The following HOXB8 variants were observed in gnomAD, a reference collection of about 807,000 sequenced individuals.
The protein encoded by HOXB8 is homeobox protein Hox-B8.
HOXB8 carries 17 observed loss-of-function variants against 22.2 expected under a neutral mutation model. The ratio of observed to expected loss-of-function variants is 0.77; its 90% confidence interval spans 0.53 to 1.15. HOXB8 has a LOEUF of 1.15. Ranked by LOEUF, HOXB8 falls within the 50% of genes most tolerant of loss-of-function variation. The pLI is 0.00. For missense variants in HOXB8, 287 were observed against 323.8 expected, an observed-to-expected ratio of 0.89 and a Z score of 0.87; for synonymous variants, 156 against 144.6, an observed-to-expected ratio of 1.08 and a Z score of -0.57.
At position 48,613,333 on chromosome 17, in the gene HOXB8, A is replaced by C; in HGVS notation, c.601T>G (p.Trp201Gly). 6.2e-7 allele frequency: 1 copy of C among 1,612,912 alleles called. No homozygotes were observed. The highest frequency in any genetic ancestry group is 8.5e-7 in the Non-Finnish European group (1 of 1,179,712). The change falls in exon 2 of 2, where the codon TGG becomes GGG. Residue 201 changes from tryptophan to glycine, a missense_variant. This residue lies in a region of HOXB8 where 52 missense variants were observed against 54.8 expected (regional missense o/e 0.95). Transcript: ENST00000239144. ...KIWFQNRRMK[W>G]KKENNKDKFP... ...TTGTCTTTGTTGTTCTCTTTTTTCCACTTCATCCTCCGGTTCTGGAACCAG... is the reference window on the plus strand; with the variant it reads ...TTGTCTTTGTTGTTCTCTTTTTTCCCCTTCATCCTCCGGTTCTGGAACCAG...
Position 48,613,145 on chromosome 17 carries a change from G to A in HOXB8, c.*57C>T. On this transcript the variant is annotated 3_prime_UTR_variant, in exon 2 of 2. Coordinates refer to ENST00000239144, the MANE Select transcript of HOXB8 (RefSeq NM_024016.4). Reference sequence around the variant, plus strand: ...TCGGGCAGGGGCGCGCGGCGGCGGCGCGGCCGGGACCCGCGGACGTGCGGG... The same window carrying A: ...TCGGGCAGGGGCGCGCGGCGGCGGCACGGCCGGGACCCGCGGACGTGCGGG... 1 of 1,222,208 alleles carries A rather than the reference G, an allele frequency of 8.2e-7. No homozygotes were observed. 75.7% of individuals were successfully genotyped at this position (1,222,208 alleles called of 1,614,324 possible).
At position 48,613,063 on chromosome 17, in the gene HOXB8, G is replaced by C; in HGVS notation, c.*139C>G. 2.9e-6 allele frequency: 1 copy of C among 345,626 alleles called. No individual in the cohort carries two copies. The highest frequency in any genetic ancestry group is 4.6e-6 in the Non-Finnish European group (1 of 216,992). 21.4% of individuals were successfully genotyped at this position (345,626 alleles called of 1,614,324 possible). ...ACCACTAGCGGGGACTGGCGCGGCGGGGGACGCTGCGGTGGGAGGCCCGGC... is the reference window on the plus strand; with the variant it reads ...ACCACTAGCGGGGACTGGCGCGGCGCGGGACGCTGCGGTGGGAGGCCCGGC... On this transcript the variant is annotated 3_prime_UTR_variant, in exon 2 of 2. Transcript: ENST00000239144.
Position 48,613,528 on chromosome 17 carries a change from G to C in HOXB8, c.425-19C>G. 8.1e-7 allele frequency: 1 copy of C among 1,239,394 alleles called. No individual in the cohort carries two copies. Among genetic ancestry groups the C allele is most frequent in the East Asian group, 3.7e-5 (1 of 27,304 alleles). The allele number at this position is 1,239,394 out of a possible 1,614,324, so 76.8% of individuals were successfully genotyped here. A position where few individuals can be genotyped will look rare whatever the true frequency, so the allele number is the denominator to read the frequency against. On this transcript the variant is annotated intron_variant, in intron 1 of 1. Transcript: ENST00000239144. ...GCGGCTGCTGGGAATGGGGGAAAGG[G>C]CGAGACAGAGGGGAGGGGAGGGTGG...
At position 48,614,475 on chromosome 17, in the gene HOXB8, G is replaced by C; in HGVS notation, c.230C>G (p.Ala77Gly). The C allele has an allele frequency of 6.2e-7, 1 of 1,613,994 alleles. No individual in the cohort carries two copies. The highest frequency in any genetic ancestry group is 1.3e-5 in the African/African-American group (1 of 75,034). Residue 77 changes from alanine to glycine, a missense_variant, in exon 1 of 2, where the codon GCG (alanine) becomes GGG (glycine). By Grantham distance (60) the Ala-to-Gly change is moderately conservative (BLOSUM62 0). Coordinates refer to ENST00000239144, the MANE Select transcript of HOXB8 (RefSeq NM_024016.4). This position sits in a 1 kb window ranked among gnomAD's most constrained non-coding sequence, Gnocchi z 4.1. ...GAAATTGCCGGGGTCCCCGTGGCAC[G>C]CCACGGCGCACGGGTTCTGCTGGTA... ...APYQQNPCAV[A>G]CHGDPGNFYG...
At position 48,614,583 on chromosome 17, in the gene HOXB8, C is replaced by G; in HGVS notation, c.122G>C (p.Gly41Ala). ...DLGGRPTVVY[G>A]PSSGGSFQHP... ...CTGGAAGCTGCCGCCGCTGCTGGGA[C>G]CGTACACCACGGTGGGTCGGCCGCC... The change falls in exon 1 of 2, where the codon GGT becomes GCT. Residue 41 changes from glycine to alanine, a missense_variant. Physicochemically the swap from Gly to Ala is moderately conservative, Grantham distance 60. Around this residue, in one of 3 missense-constraint regions of HOXB8, gnomAD observed 229 missense variants for 239.8 expected, o/e 0.95. Transcript: ENST00000239144. The surrounding 1 kb of genome is among the most constrained non-coding windows in gnomAD (Gnocchi z 4.1). 1 of 1,611,708 alleles carries G rather than the reference C, an allele frequency of 6.2e-7. No homozygotes were observed. The highest frequency in any genetic ancestry group is 8.5e-7 in the Non-Finnish European group (1 of 1,179,008).
rs1372651981 is a variant in HOXB8, at chr17:48,614,737, A to C, written c.-33T>G. On this transcript the variant is annotated 5_prime_UTR_variant, in exon 1 of 2. Coordinates refer to ENST00000239144, the MANE Select transcript of HOXB8 (RefSeq NM_024016.4). The surrounding 1 kb of genome is among the most constrained non-coding windows in gnomAD (Gnocchi z 4.1). ...AATTTTGAGGCGGCGGCGGCGGCGG[A>C]GGCTATAGTTGGGGGCTGTTGGGGA... 6.1e-6 allele frequency: 3 copies of C among 488,250 alleles called. No individual in the cohort carries two copies. The highest frequency in any genetic ancestry group is 4.4e-4 in the East Asian group (2 of 4,552). The allele number at this position is 488,250 out of a possible 1,614,324, so 30.2% of individuals were successfully genotyped here.
In HOXB8 at chr17:48,614,330, G is replaced by A. The variant is rs777216868; in HGVS notation, c.375C>T (p.Ser125=). ...ASGLGEEAEG[S]EQSPSPTQLF... ...GCTGTGTGGGCGACGGGCTCTGCTC[G>A]GAGCCCTCGGCCTCCTCGCCCAGGC... The change falls in exon 1 of 2, where the codon TCC becomes TCT. Residue 125 remains serine (S), a synonymous_variant. Coordinates refer to ENST00000239144, the MANE Select transcript of HOXB8 (RefSeq NM_024016.4). This position sits in a 1 kb window ranked among gnomAD's most constrained non-coding sequence, Gnocchi z 4.1. 1 of 1,586,168 alleles carries A rather than the reference G, an allele frequency of 6.3e-7. No individual in the cohort carries two copies. Among genetic ancestry groups the A allele is most frequent in the Non-Finnish European group, 8.5e-7 (1 of 1,172,676 alleles).
chr17:48,614,834 C>A lies in HOXB8; in HGVS notation c.-130G>T. On this transcript the variant is annotated 5_prime_UTR_variant, in exon 1 of 2. Coordinates refer to ENST00000239144, the MANE Select transcript of HOXB8 (RefSeq NM_024016.4). This position sits in a 1 kb window ranked among gnomAD's most constrained non-coding sequence, Gnocchi z 4.1. Reference sequence around the variant, plus strand: ...ATTCGCCGGCTCCTAGTCACCCTCGCCAGGAAAGGAGAGGGAAAGAGAGGA... The same window carrying A: ...ATTCGCCGGCTCCTAGTCACCCTCGACAGGAAAGGAGAGGGAAAGAGAGGA... The A allele has an allele frequency of 1.4e-6, 1 of 696,974 alleles. No homozygotes were observed. Among genetic ancestry groups the A allele is most frequent in the Non-Finnish European group, 2.3e-6 (1 of 442,418 alleles). 43.2% of individuals were successfully genotyped at this position (696,974 alleles called of 1,614,324 possible). A position where few individuals can be genotyped will look rare whatever the true frequency, so the allele number is the denominator to read the frequency against.
rs147771525 is a variant in HOXB8, at chr17:48,613,340, C to T, written c.594G>A (p.Arg198=). The T allele has an allele frequency of 6.2e-6, 10 of 1,613,930 alleles. No homozygotes were observed. The highest frequency in any genetic ancestry group is 1.6e-4 in the Middle Eastern group (1 of 6,084). The change falls in exon 2 of 2, where the codon AGG becomes AGA. Residue 198 remains arginine (R), a synonymous_variant. Transcript: ENST00000239144. ...TGTTGTTCTCTTTTTTCCACTTCATCCTCCGGTTCTGGAACCAGATTTTGA... is the reference window on the plus strand; with the variant it reads ...TGTTGTTCTCTTTTTTCCACTTCATTCTCCGGTTCTGGAACCAGATTTTGA... ...RQVKIWFQNR[R]MKWKKENNKD...
chr17:48,614,361 G>A lies in HOXB8; in HGVS notation c.344C>T (p.Ala115Val). 1.2e-6 allele frequency: 2 copies of A among 1,606,326 alleles called. No homozygotes were observed. The highest frequency in any genetic ancestry group is 2.2e-5 in the East Asian group (1 of 44,796). The change falls in exon 1 of 2, where the codon GCC becomes GTC. Residue 115 changes from alanine (A) to valine (V), a missense_variant. Ala to Val is a moderately conservative substitution (Grantham distance 64). Transcript: ENST00000239144. The surrounding 1 kb of genome is among the most constrained non-coding windows in gnomAD (Gnocchi z 4.1). Reference protein sequence around the residue: ...VQYADCKLAAASGLGEEAEGS... With the variant: ...VQYADCKLAAVSGLGEEAEGS... ...CTCGGCCTCCTCGCCCAGGCCGCTGGCGGCGGCAAGCTTGCAGTCTGCGTA... is the reference window on the plus strand; with the variant it reads ...CTCGGCCTCCTCGCCCAGGCCGCTGACGGCGGCAAGCTTGCAGTCTGCGTA...
At chr17:48,613,889 C>A (rs977827128) in intron 1 of HOXB8, among the ~76,000 whole-genome samples, 16 of 152,060 alleles carry the variant, frequency 1.1e-4, no homozygotes, top group Non-Finnish European at 2.1e-4. Flanking sequence ...CCTTGAAAAG[C>A]CCCCAGAGCC....
In HOXB8 at chr17:48,613,416, C is replaced by A; in HGVS notation, c.518G>T (p.Arg173Leu). 6.2e-7 allele frequency: 1 copy of A among 1,613,912 alleles called. No individual in the cohort carries two copies. Among genetic ancestry groups the A allele is most frequent in the Non-Finnish European group, 8.5e-7 (1 of 1,179,952 alleles). The change falls in exon 2 of 2, where the codon CGT becomes CTT. Residue 173 changes from arginine to leucine, a missense_variant. Physicochemically the swap from Arg to Leu is moderately radical, Grantham distance 102. Coordinates refer to ENST00000239144, the MANE Select transcript of HOXB8 (RefSeq NM_024016.4). ...KEFLFNPYLT[R>L]KRRIEVSHAL... The stretch of plus-strand genomic sequence containing the variant: ...GTGCGATACCTCGATTCGCCGCTTA[C>A]GAGTCAGATAGGGATTAAATAGGAA...
rs1567982310 is a variant in HOXB8, at chr17:48,615,277, G to T, written c.-573C>A. The stretch of plus-strand genomic sequence containing the variant: ...AGAGCTAGAGCGAGAGAGCGCCAGG[G>T]AGTGAGGAGAGAGCGGAAAAAAAAA... On this transcript the variant is annotated 5_prime_UTR_variant, in exon 1 of 2. Transcript: ENST00000239144. Among the ~76,000 whole-genome samples the T allele has an allele frequency of 6.7e-6, 1 of 148,260 alleles. No individual in the cohort carries two copies. Among genetic ancestry groups the T allele is most frequent in the Non-Finnish European group, 1.5e-5 (1 of 67,230 alleles).
rs1311829643 is a variant in HOXB8, at chr17:48,614,073, T to C, written c.424+208A>G. Reference sequence around the variant, plus strand: ...AAAGTAAGGCAGGATGAGGGGTTTATAGATTCAGGAAATGTTTCTAAGCGA... The same window carrying C: ...AAAGTAAGGCAGGATGAGGGGTTTACAGATTCAGGAAATGTTTCTAAGCGA... On this transcript the variant is annotated intron_variant, in intron 1 of 1. Coordinates refer to ENST00000239144, the MANE Select transcript of HOXB8 (RefSeq NM_024016.4). This position sits in a 1 kb window ranked among gnomAD's most constrained non-coding sequence, Gnocchi z 4.1. Among the ~76,000 whole-genome samples the C allele has an allele frequency of 6.6e-6, 1 of 151,940 alleles. No individual in the cohort carries two copies. The highest frequency in any genetic ancestry group is 1.5e-5 in the Non-Finnish European group (1 of 67,960).
In HOXB8 at chr17:48,613,174, C is replaced by G. The variant is rs2050555950; in HGVS notation, c.*28G>C. 2 of 1,387,722 alleles carry G rather than the reference C, an allele frequency of 1.4e-6. No individual in the cohort carries two copies. The highest frequency in any genetic ancestry group is 1.9e-6 in the Non-Finnish European group (2 of 1,066,486). 86.0% of individuals were successfully genotyped at this position (1,387,722 alleles called of 1,614,324 possible). A position where few individuals can be genotyped will look rare whatever the true frequency, so the allele number is the denominator to read the frequency against. On this transcript the variant is annotated 3_prime_UTR_variant, in exon 2 of 2. Coordinates refer to ENST00000239144, the MANE Select transcript of HOXB8 (RefSeq NM_024016.4). ...CCGGGACCCGCGGACGTGCGGGCGGCCGCGGCCCTGGCAGTCCCAGCTGAA... is the reference window on the plus strand; with the variant it reads ...CCGGGACCCGCGGACGTGCGGGCGGGCGCGGCCCTGGCAGTCCCAGCTGAA...
chr17:48,613,307 C>A lies in HOXB8; in HGVS notation c.627G>T (p.Lys209Asn). 6.2e-7 allele frequency: 1 copy of A among 1,614,078 alleles called. No homozygotes were observed. Among genetic ancestry groups the A allele is most frequent in the Non-Finnish European group, 8.5e-7 (1 of 1,179,992 alleles). ...MKWKKENNKD[K>N]FPSSKCEQEE... ...CCTGCTCGCATTTGCTGCTGGGGAA[C>A]TTGTCTTTGTTGTTCTCTTTTTTCC... Residue 209 changes from lysine to asparagine, a missense_variant, in exon 2 of 2, where the codon AAG becomes AAT. Coordinates refer to ENST00000239144, the MANE Select transcript of HOXB8 (RefSeq NM_024016.4).
intron 1 of HOXB8, 64 bp from the exon 2 acceptor site, chr17:48,613,573 G>A: frequency 9.8e-7 from 1 of 1,019,700 alleles, no homozygotes; most frequent in African/African-American, 1.6e-5. Flanking sequence ...CAGGGACGGA[G>A]AAGGTTGGAA....
At position 48,614,773 on chromosome 17, in the gene HOXB8, AGGGGGAAAGGG is replaced by A; in HGVS notation, c.-80_-70del. The A allele has an allele frequency of 4.4e-5, 1 of 22,658 alleles. No individual in the cohort carries two copies. 1.4% of individuals were successfully genotyped at this position (22,658 alleles called of 1,614,324 possible). The stretch of plus-strand genomic sequence containing the variant: ...GGGGGCTGTTGGGGAGGGGGTGGGG[AGGGGGAAAGGG>A]AGGGAGAGAGAGAAAAAAACGCGGA... On this transcript the variant is annotated 5_prime_UTR_variant, in exon 1 of 2. Transcript: ENST00000239144. The surrounding 1 kb of genome is among the most constrained non-coding windows in gnomAD (Gnocchi z 4.1).
rs551768287 is a variant in HOXB8 at position 48,612,502 on chromosome 17, C to T, written c.*700G>A. 5 of 148,196 alleles carry T rather than the reference C, an allele frequency of 3.4e-5. No homozygotes were observed. The highest frequency in any genetic ancestry group is 1.2e-4 in the African/African-American group (5 of 40,524). 9.2% of individuals were successfully genotyped at this position (148,196 alleles called of 1,614,324 possible). ...CAGAATACATTCTCTTCACAGTAAACCTAAGAACACTTGTAACAATTGCCC... is the reference window on the plus strand; with the variant it reads ...CAGAATACATTCTCTTCACAGTAAATCTAAGAACACTTGTAACAATTGCCC... On this transcript the variant is annotated 3_prime_UTR_variant, in exon 2 of 2. Coordinates refer to ENST00000239144, the MANE Select transcript of HOXB8 (RefSeq NM_024016.4).
Sources: allele counts gnomAD v4.1 joint callset (sites outside exome capture counted in the v4.1 genomes callset), GRCh38; gene constraint gnomAD v4.1.1; regional missense constraint gnomAD v4.1.1; non-coding constraint Gnocchi (gnomAD v3.1); transcripts MANE v1.5; gene names NCBI Gene and HGNC (gene_info 2026-07-23, HGNC 2026-07-21).